Variants in BCL2L13 observed in about 807,000 individuals in gnomAD.
BCL2L13 encodes the protein BCL2 like 13.
Under a neutral mutation model 25.8 loss-of-function variants are expected in BCL2L13, and 13 were observed. The ratio of observed to expected loss-of-function variants is 0.50; its 90% CI spans 0.33 to 0.80. BCL2L13 has a LOEUF of 0.80. Ranked by LOEUF, BCL2L13 falls within the 30% of genes least tolerant of loss-of-function variation. The pLI is 0.02. For missense variants in BCL2L13, 504 were observed against 574.9 expected, an observed-to-expected ratio of 0.88 and a Z score of 1.26; for synonymous variants, 244 against 230.3, an observed-to-expected ratio of 1.06 and a Z score of -0.54.
intron 1 of BCL2L13, among the ~76,000 whole-genome samples, chr22:17,652,775 C>T (rs2058728641): frequency 6.6e-6 from 1 of 152,054 alleles, no homozygotes; most frequent in Non-Finnish European, 1.5e-5. Context: ...AGTGAAAAAA[C>T]AGAGTGAGGC....
At chr22:17,672,589 A>T (rs1197617527) in intron 2 of BCL2L13, among the ~76,000 whole-genome samples, 1 of 152,200 alleles carries the variant, frequency 6.6e-6, no homozygotes, top group African/African-American at 2.4e-5. Context: ...GGTGGAGAGG[A>T]TTAATTAAAT....
intron 2 of BCL2L13, among the ~76,000 whole-genome samples, chr22:17,677,878 C>CA (rs544156151): frequency 2.0e-5 from 3 of 148,202 alleles, no homozygotes; most frequent in Admixed American, 2.0e-4. Context: ...AAAAAAAAAA[C>CA]AAAAAAACCC....
chr22:17,682,162 C>T (rs910709772), intron 2 of BCL2L13, among the ~76,000 whole-genome samples: 5 of 152,154 alleles, frequency 3.3e-5, no homozygotes, highest in African/African-American at 1.2e-4. Context: ...ATATAATTAT[C>T]TTGCTGTATT....
At chr22:17,696,582 T>C (rs1213792700) in intron 5 of BCL2L13, among the ~76,000 whole-genome samples, 1 of 152,218 alleles carries the variant, frequency 6.6e-6, no homozygotes, top group Non-Finnish European at 1.5e-5. Flanking sequence ...TTCTCTTAGA[T>C]GAATAATACC....
At chr22:17,635,988 C>T (rs950757234), upstream of BCL2L13, among the ~76,000 whole-genome samples, 24 of 151,314 alleles carry the variant, frequency 1.6e-4, no homozygotes, top group Non-Finnish European at 2.5e-4. Context: ...GGATTATAGG[C>T]GTGAACCACC....
intron 6 of BCL2L13, chr22:17,706,899 A>C: frequency 1.7e-6 from 2 of 1,180,302 alleles, no homozygotes; most frequent in South Asian, 1.2e-5. Context: ...TTTAGATTCC[A>C]TAAAAGATTA....
chr22:17,646,549 AAGATAGCAATT>A (rs2058478588), intron 1 of BCL2L13, among the ~76,000 whole-genome samples: 1 of 150,460 alleles, frequency 6.6e-6, no homozygotes, highest in Non-Finnish European at 1.5e-5. Flanking sequence ...GCGCCTGGCC[AAGATAGCAATT>A]TTTATAGTTA....
At position 17,649,903 on chromosome 22, in the gene BCL2L13, G is replaced by A. The variant is rs148055337; in HGVS notation, c.-50-5759G>A. ...TTTTTTTTTTTTGAGATGGAGCTTT[G>A]CTCTGTCGTCCAAGTTGGAGTGCAA... On this transcript the variant is annotated intron_variant, in intron 1 of 6. Transcript: ENST00000317582. Among the ~76,000 whole-genome samples the A allele has an allele frequency of 4.1e-3, 423 of 103,942 alleles. 2 individuals carry two copies. Among genetic ancestry groups the A allele is most frequent in the African/African-American group, 0.016 (408 of 25,748 alleles). The allele number at this position is 103,942 out of a possible 152,430, so 68.2% of individuals were successfully genotyped here.
intron 2 of BCL2L13, among the ~76,000 whole-genome samples, chr22:17,680,499 G>A (rs2059709768): frequency 1.7e-5 from 2 of 115,840 alleles, no homozygotes; most frequent in African/African-American, 3.4e-5. Context: ...GGGAGAGAGC[G>A]AGACTCTGTC....
At chr22:17,709,045 C>A (rs961490720) in intron 6 of BCL2L13, among the ~76,000 whole-genome samples, 2 of 151,500 alleles carry the variant, frequency 1.3e-5, no homozygotes, top group African/African-American at 4.9e-5. Context: ...ACCATCCTGA[C>A]TAACACGGTG....
intron 6 of BCL2L13, among the ~76,000 whole-genome samples, chr22:17,715,161 TATATATATA>T (rs1314457608): frequency 9.2e-4 from 5 of 5,426 alleles, no homozygotes; most frequent in African/African-American, 1.5e-3. Flanking sequence ...TATATATATA[TATATATATA>T]TTTTTTTTTT....
At position 17,680,520 on chromosome 22, in the gene BCL2L13, AAAAAAAAAAAAAAAAAAAAAAG is replaced by A. The variant is rs1442072427; in HGVS notation, c.122-2686_122-2665del. ...GAGCGAGACTCTGTCTCAAAAAAAAAAAAAAAAAAAAAAAAAAAAAAGAAAAAAAGACTCATACCTAGAAAGG... is the reference window on the plus strand; with the variant it reads ...GAGCGAGACTCTGTCTCAAAAAAAAAAAAAAAAGACTCATACCTAGAAAGG... On this transcript the variant is annotated intron_variant, in intron 2 of 6. Coordinates refer to ENST00000317582, the MANE Select transcript of BCL2L13 (RefSeq NM_015367.4). 3.2e-4 allele frequency among the ~76,000 whole-genome samples: 28 copies of A among 86,472 alleles called. 1 individual carries two copies. The highest frequency in any genetic ancestry group is 6.0e-4 in the African/African-American group (12 of 20,108). The allele number at this position is 86,472 out of a possible 152,430, so 56.7% of individuals were successfully genotyped here. A position where few individuals can be genotyped will look rare whatever the true frequency, so the allele number is the denominator to read the frequency against.
intron 1 of BCL2L13, among the ~76,000 whole-genome samples, chr22:17,629,323 C>T (rs2057954605): frequency 6.6e-6 from 1 of 152,122 alleles, no homozygotes; most frequent in Non-Finnish European, 1.5e-5. Context: ...ACCCCCTTTC[C>T]ATACTGTAGT....
At chr22:17,684,137 T>C (rs2059838679) in intron 3 of BCL2L13, among the ~76,000 whole-genome samples, 1 of 152,082 alleles carries the variant, frequency 6.6e-6, no homozygotes, top group African/African-American at 2.4e-5. Context: ...TTTATTGAGA[T>C]ATATTTTACA....
At chr22:17,635,697 C>T (rs981414947), upstream of BCL2L13, among the ~76,000 whole-genome samples, 2 of 151,736 alleles carry the variant, frequency 1.3e-5, no homozygotes, top group Admixed American at 6.6e-5. Flanking sequence ...GGAACATACC[C>T]ATTTCCACAA....
chr22:17,665,041 G>A (rs2059193811), intron 2 of BCL2L13, among the ~76,000 whole-genome samples: 2 of 152,192 alleles, frequency 1.3e-5, no homozygotes, highest in African/African-American at 4.8e-5. Flanking sequence ...TCTGTATCAG[G>A]CTTGAATTTC....
chr22:17,674,348 A>G (rs1254797863), intron 2 of BCL2L13, among the ~76,000 whole-genome samples: 4 of 152,070 alleles, frequency 2.6e-5, no homozygotes, highest in African/African-American at 7.2e-5. Context: ...GGCGGGGCAC[A>G]GTGGCTTACG....
upstream of BCL2L13, among the ~76,000 whole-genome samples, chr22:17,635,953 T>C (rs1025247163): frequency 2.1e-4 from 31 of 149,030 alleles, no homozygotes; most frequent in South Asian, 1.3e-3. Context: ...TCGTGATCCG[T>C]CCCCCTTGGC....
intron 6 of BCL2L13, among the ~76,000 whole-genome samples, chr22:17,707,631 CA>C (rs2060628579): frequency 6.6e-6 from 1 of 152,050 alleles, no homozygotes; most frequent in African/African-American, 2.4e-5. Flanking sequence ...ACGTATTATC[CA>C]AAACAGCTCT....
Sources: gnomAD v4.1 joint callset for allele counts (sites outside exome capture counted in the v4.1 genomes callset) on GRCh38, gnomAD v4.1.1 for gene constraint, MANE v1.5 for transcripts, NCBI Gene and HGNC (gene_info 2026-07-23, HGNC 2026-07-21) for gene names.